The following HHIPL1 variants were observed in gnomAD, a reference collection of about 807,000 sequenced individuals.
HHIPL1 encodes the protein HHIP like 1.
Under a neutral mutation model 61.8 loss-of-function variants are expected in HHIPL1, and 43 were observed. The ratio of observed to expected loss-of-function variants is 0.70; its 90% confidence interval spans 0.55 to 0.90. The LOEUF (loss-of-function observed/expected upper bound fraction) is 0.90. HHIPL1 is among the 40% of genes least tolerant of loss of function. The pLI, the probability that HHIPL1 is intolerant of heterozygous loss-of-function variation, is 0.00. For synonymous variants in HHIPL1, 482 were observed against 515.8 expected, an observed-to-expected ratio of 0.93 and a Z score of 0.89; for missense variants, 1,056 against 1,157.7, an observed-to-expected ratio of 0.91 and a Z score of 1.28.
At chr14:99,659,227 G>A (rs958257670) in intron 3 of HHIPL1, among the ~76,000 whole-genome samples, 3 of 152,222 alleles carry the variant, frequency 2.0e-5, no homozygotes, top group Non-Finnish European at 4.4e-5. Flanking sequence ...GGAAGGTGGG[G>A]GATGCATGTT....
chr14:99,674,019 C>A (rs2056358068), intron 8 of HHIPL1, among the ~76,000 whole-genome samples: 1 of 151,602 alleles, frequency 6.6e-6, no homozygotes, highest in South Asian at 2.1e-4. Context: ...GCCTGAGGAG[C>A]AGGAGGTGGG....
At chr14:99,605,539 C>T in the HHIPL1 span, among the ~76,000 whole-genome samples, 1 of 152,366 alleles carries the variant, frequency 6.6e-6, no homozygotes, top group African/African-American at 2.4e-5. Flanking sequence ...TCAGCGCCTA[C>T]TCGCCGCGGG....
chr14:99,617,723 C>T, the HHIPL1 span, among the ~76,000 whole-genome samples: 1 of 152,176 alleles, frequency 6.6e-6, no homozygotes, highest in African/African-American at 2.4e-5. Flanking sequence ...TGGAAGCCCC[C>T]AGACCAGACC....
chr14:99,648,822 T>C (rs1475145917), intron 1 of HHIPL1, among the ~76,000 whole-genome samples: 2 of 152,222 alleles, frequency 1.3e-5, no homozygotes. Context: ...GACAGGACAC[T>C]GTGCAAAGGC....
the HHIPL1 span, among the ~76,000 whole-genome samples, chr14:99,637,075 AGAGAG>A: frequency 6.1e-4 from 63 of 103,394 alleles, 2 homozygotes; most frequent in African/African-American, 1.7e-3. Context: ...AGAAAGAAAG[AGAGAG>A]AAAGAAAGAA....
intron 7 of HHIPL1, among the ~76,000 whole-genome samples, chr14:99,671,618 C>T (rs894107394): frequency 4.6e-5 from 7 of 152,154 alleles, no homozygotes; most frequent in African/African-American, 1.4e-4. Context: ...CACAGATCGA[C>T]GGCCAAAAAC....
chr14:99,646,934 G>A (rs1423340816), intron 1 of HHIPL1, among the ~76,000 whole-genome samples: 3 of 151,854 alleles, frequency 2.0e-5, no homozygotes, highest in Non-Finnish European at 4.4e-5. Flanking sequence ...CAGATTAAAT[G>A]CCACATACTA....
At chr14:99,606,930 C>T in the HHIPL1 span, among the ~76,000 whole-genome samples, 1 of 151,698 alleles carries the variant, frequency 6.6e-6, no homozygotes, top group African/African-American at 2.4e-5. Flanking sequence ...CCGGAGGGCC[C>T]ATATCGCAGG....
At position 99,660,192 on chromosome 14, in the gene HHIPL1, A is replaced by G. The variant is rs1252548736; in HGVS notation, c.1376-88A>G. ...ACGCCCCTCCCTCCGTGGCCGCCCC[A>G]CCCCCGCGGAATCCCTCCGGAATTC... On this transcript the variant is annotated intron_variant, in intron 4 of 8. Coordinates refer to ENST00000330710, the MANE Select transcript of HHIPL1 (RefSeq NM_001127258.3). This position sits in a 1 kb window ranked among gnomAD's most constrained non-coding sequence, Gnocchi z 4.9. 8.7e-6 allele frequency: 13 copies of G among 1,492,338 alleles called. No homozygotes were observed. In the East Asian group the frequency reaches 3.2e-4, roughly 36 times the overall value. The allele number at this position is 1,492,338 out of a possible 1,614,324, so 92.4% of individuals were successfully genotyped here.
At chr14:99,667,485 G>A (rs968115199) in intron 6 of HHIPL1, among the ~76,000 whole-genome samples, 5 of 152,114 alleles carry the variant, frequency 3.3e-5, no homozygotes, top group South Asian at 4.1e-4. Context: ...AACTCCAACG[G>A]TTACATTTTC....
rs2056125338 is a variant in HHIPL1, at chr14:99,660,123, C to T, written c.1376-157C>T. On this transcript the variant is annotated intron_variant, in intron 4 of 8. Transcript: ENST00000330710. This position sits in a 1 kb window ranked among gnomAD's most constrained non-coding sequence, Gnocchi z 4.9. ...CTGGCACCCCTGCAGACACGCTTTC[C>T]ACCACGCCAGCCCTGCTGTGGGCAC... Among the ~76,000 whole-genome samples, 2 of 147,492 alleles carry T rather than the reference C, an allele frequency of 1.4e-5. No homozygotes were observed. The highest frequency in any genetic ancestry group is 1.3e-4 in the Admixed American group (2 of 14,988).
chr14:99,631,480 G>A, the HHIPL1 span, among the ~76,000 whole-genome samples: 2 of 152,024 alleles, frequency 1.3e-5, no homozygotes, highest in Non-Finnish European at 2.9e-5. Flanking sequence ...TACAGTCCTG[G>A]CCCCAACACC....
At chr14:99,645,095 C>A, upstream of HHIPL1, 2 of 979,596 alleles carry the variant, frequency 2.0e-6, no homozygotes, top group African/African-American at 3.4e-5. Context: ...TCCCCAAACT[C>A]GAGGCCCTGC....
chr14:99,632,422 T>C, the HHIPL1 span, among the ~76,000 whole-genome samples: 9 of 152,292 alleles, frequency 5.9e-5, no homozygotes, highest in African/African-American at 2.2e-4. Flanking sequence ...TTCCATTCTC[T>C]GGGCTTCACA....
chr14:99,620,515 G>T, the HHIPL1 span, among the ~76,000 whole-genome samples: 1 of 152,268 alleles, frequency 6.6e-6, no homozygotes, highest in African/African-American at 2.4e-5. Flanking sequence ...GAGAAGAGGG[G>T]TGTCCAGGCT....
At chr14:99,615,790 T>G in the HHIPL1 span, among the ~76,000 whole-genome samples, 1 of 152,098 alleles carries the variant, frequency 6.6e-6, no homozygotes, top group Non-Finnish European at 1.5e-5. Context: ...GGTGAGGGCT[T>G]TGCAGACAGA....
chr14:99,652,305 G>T lies in HHIPL1; in HGVS notation c.337G>T (p.Asp113Tyr). The change falls in exon 2 of 9, where the codon GAT becomes TAT. Residue 113 changes from aspartate (D) to tyrosine (Y), a missense_variant. By Grantham distance (160) the Asp-to-Tyr change is radical. Coordinates refer to ENST00000330710, the MANE Select transcript of HHIPL1 (RefSeq NM_001127258.3). ...PLRTVPGLCQ[D>Y]YCLDMWHKCR... is the part of the protein sequence containing the mutation. ...GCGCACGGTGCCCGGGCTCTGCCAGGATTACTGCCTGGACATGTGGCATAA... is the reference window on the plus strand; with the variant it reads ...GCGCACGGTGCCCGGGCTCTGCCAGTATTACTGCCTGGACATGTGGCATAA... The T allele has an allele frequency of 2.5e-6, 4 of 1,614,108 alleles. No homozygotes were observed. Among genetic ancestry groups the T allele is most frequent in the Non-Finnish European group, 3.4e-6 (4 of 1,180,040 alleles).
the HHIPL1 span, among the ~76,000 whole-genome samples, chr14:99,621,116 T>G: frequency 2.6e-4 from 40 of 152,218 alleles, no homozygotes; most frequent in African/African-American, 9.2e-4. Flanking sequence ...ACTTTTTTTT[T>G]GAAACAGGGT....
At chr14:99,621,823 C>G in the HHIPL1 span, among the ~76,000 whole-genome samples, 2 of 134,040 alleles carry the variant, frequency 1.5e-5, no homozygotes, top group African/African-American at 5.5e-5. Flanking sequence ...TCAAGCGATT[C>G]TCCTGCCTCA....
Sources: allele counts gnomAD v4.1 joint callset (sites outside exome capture counted in the v4.1 genomes callset), GRCh38; gene constraint gnomAD v4.1.1; non-coding constraint Gnocchi (gnomAD v3.1); transcripts MANE v1.5; gene names NCBI Gene and HGNC (gene_info 2026-07-23, HGNC 2026-07-21).